The following XYLB variants were observed in gnomAD, a reference collection of about 807,000 sequenced individuals.
The protein encoded by XYLB is xylulose kinase.
XYLB carries 62 observed loss-of-function variants against 78.7 expected under a neutral mutation model. The observed-to-expected ratio is 0.79, with a 90% CI of 0.64 to 0.97. XYLB has a LOEUF of 0.97. Ranked by LOEUF, XYLB falls within the 50% of genes least tolerant of loss-of-function variation. The probability of loss-of-function intolerance (pLI) is 0.00; values close to 1 mark genes in which losing one functional copy is unlikely to be tolerated. For missense variants in XYLB, 687 were observed against 676.8 expected (o/e 1.02, Z -0.17); for synonymous variants, 245 against 247.4 (o/e 0.99, Z 0.09).
intron 15 of XYLB, among the ~76,000 whole-genome samples, chr3:38,388,145 C>T (rs960848083): frequency 1.3e-4 from 19 of 144,748 alleles, no homozygotes; most frequent in South Asian, 2.2e-4. Context: ...TCAGGAAGTG[C>T]GGGTGAGGTG....
intron 18 of XYLB, among the ~76,000 whole-genome samples, chr3:38,408,712 C>T (rs1299861694): frequency 3.3e-5 from 5 of 151,026 alleles, no homozygotes; most frequent in South Asian, 2.1e-4. Context: ...ATATCACCAC[C>T]GAGCCCACAG....
chr3:38,348,530 T>A lies in XYLB; in HGVS notation c.58-20T>A. On this transcript the variant is annotated intron_variant, in intron 1 of 18. Coordinates refer to ENST00000207870, the MANE Select transcript of XYLB (RefSeq NM_005108.4). ...AAGCTGAGGAAAATTCTACACTTCCTTTTTTAAAATGCCTTTCAGGTAAAG... is the reference window on the plus strand; with the variant it reads ...AAGCTGAGGAAAATTCTACACTTCCATTTTTAAAATGCCTTTCAGGTAAAG... The A allele has an allele frequency of 6.2e-7, 1 of 1,613,734 alleles. No individual in the cohort carries two copies. The highest frequency in any genetic ancestry group is 1.1e-5 in the South Asian group (1 of 91,076).
At chr3:38,411,227 G>A (rs1454275986) in intron 18 of XYLB, among the ~76,000 whole-genome samples, 3 of 152,180 alleles carry the variant, frequency 2.0e-5, no homozygotes, top group African/African-American at 7.2e-5. Context: ...CATGTCCTTT[G>A]TAGGGACATG....
intron 16 of XYLB, 104 bp from the exon 17 acceptor site, chr3:38,396,968 G>A (rs1036429602): frequency 5.3e-6 from 6 of 1,142,648 alleles, no homozygotes; most frequent in African/African-American, 4.6e-5. Flanking sequence ...AATGGAAGGG[G>A]TCAGAAGACA....
chr3:38,351,171 CAAAAAAAAAA>C lies in XYLB; in HGVS notation c.140+2558_140+2567del, dbSNP rs58457623. 1.3e-3 allele frequency among the ~76,000 whole-genome samples: 30 copies of C among 23,084 alleles called. 2 individuals carry two copies. In the East Asian group the frequency reaches 0.017, roughly 13 times the overall value. 15.1% of individuals were successfully genotyped at this position (23,084 alleles called of 152,430 possible). A position where few individuals can be genotyped will look rare whatever the true frequency, so the allele number is the denominator to read the frequency against. On this transcript the variant is annotated intron_variant, in intron 2 of 18. Transcript: ENST00000207870. ...TGGACAACAGAGGGAGAGCCTGTCTCAAAAAAAAAAAAAAAAAAAAAAAAAAAAGGAAGTC... is the reference window on the plus strand; with the variant it reads ...TGGACAACAGAGGGAGAGCCTGTCTCAAAAAAAAAAAAAAAAAAGGAAGTC...
At chr3:38,399,462 G>T (rs901793823) in intron 17 of XYLB, among the ~76,000 whole-genome samples, 1 of 151,856 alleles carries the variant, frequency 6.6e-6, no homozygotes, top group Non-Finnish European at 1.5e-5. Context: ...TTTTAAGAGA[G>T]AATTCAATAG....
intron 1 of XYLB, 112 bp downstream of exon 1, chr3:38,347,037 T>A: frequency 8.9e-7 from 1 of 1,119,120 alleles, no homozygotes; most frequent in Non-Finnish European, 1.2e-6. Context: ...CGGGCGCGCC[T>A]ACCTCTCGGG....
chr3:38,347,337 C>G (rs778765218), intron 1 of XYLB, among the ~76,000 whole-genome samples: 1 of 152,226 alleles, frequency 6.6e-6, no homozygotes, highest in African/African-American at 2.4e-5. Context: ...TGCGCACATG[C>G]ACAACCAGTG....
At chr3:38,446,406 A>T in the XYLB span, among the ~76,000 whole-genome samples, 1 of 152,362 alleles carries the variant, frequency 6.6e-6, no homozygotes, top group East Asian at 1.9e-4. Context: ...TGTAAGACAG[A>T]AAAGTTCTCC....
At chr3:38,437,992 C>T in the XYLB span, among the ~76,000 whole-genome samples, 1 of 151,884 alleles carries the variant, frequency 6.6e-6, no homozygotes, top group Non-Finnish European at 1.5e-5. Flanking sequence ...ATTGCTTGAA[C>T]CCAGGAGGCA....
intron 18 of XYLB, among the ~76,000 whole-genome samples, chr3:38,409,872 T>C (rs1364805054): frequency 2.6e-5 from 4 of 151,944 alleles, no homozygotes; most frequent in Non-Finnish European, 4.4e-5. Context: ...CACTGCTCAA[T>C]GAAATAAAAG....
At chr3:38,416,578 TAA>T (rs1430961431), downstream of XYLB, among the ~76,000 whole-genome samples, 1 of 151,996 alleles carries the variant, frequency 6.6e-6, no homozygotes, top group African/African-American at 2.4e-5. Flanking sequence ...CTGTTATTTA[TAA>T]GAGACACATC....
chr3:38,417,454 T>A (rs1017227224), downstream of XYLB, among the ~76,000 whole-genome samples: 1 of 152,138 alleles, frequency 6.6e-6, no homozygotes, highest in African/African-American at 2.4e-5. Flanking sequence ...TAGACTCCAA[T>A]CAGACACATA....
At chr3:38,396,493 A>G (rs924263048) in intron 16 of XYLB, among the ~76,000 whole-genome samples, 3 of 152,124 alleles carry the variant, frequency 2.0e-5, no homozygotes, top group Admixed American at 6.5e-5. Flanking sequence ...AGTAGCCAGT[A>G]CTCACAGCAG....
chr3:38,374,618 C>T (rs1334635659), intron 11 of XYLB, 116 bp downstream of exon 11: 4 of 1,318,750 alleles, frequency 3.0e-6, no homozygotes, highest in Non-Finnish European at 4.3e-6. Flanking sequence ...GGTCTGGGTC[C>T]CAGCAGGATC....
chr3:38,364,394 A>T (rs1196938423), intron 4 of XYLB, among the ~76,000 whole-genome samples: 3 of 151,618 alleles, frequency 2.0e-5, no homozygotes, highest in East Asian at 3.9e-4. Context: ...CCTTTAATAC[A>T]TTCAGCTCTG....
chr3:38,385,200 A>G (rs960952189), intron 15 of XYLB, among the ~76,000 whole-genome samples: 1 of 151,968 alleles, frequency 6.6e-6, no homozygotes, highest in Admixed American at 6.6e-5. Flanking sequence ...GGGTTTCGCC[A>G]TGTTGCCTAG....
At chr3:38,422,081 T>G (rs532376053), downstream of XYLB, among the ~76,000 whole-genome samples, 6 of 152,318 alleles carry the variant, frequency 3.9e-5, no homozygotes, top group African/African-American at 1.4e-4. Flanking sequence ...TTAAACAATT[T>G]ATTAATCAAC....
chr3:38,389,922 C>G (rs888004838), intron 15 of XYLB, among the ~76,000 whole-genome samples: 16 of 152,194 alleles, frequency 1.1e-4, no homozygotes, highest in Non-Finnish European at 2.9e-5. Flanking sequence ...TCTTTTCTAG[C>G]AAATTTTATC....
Sources: allele counts gnomAD v4.1 joint callset (sites outside exome capture counted in the v4.1 genomes callset), GRCh38; gene constraint gnomAD v4.1.1; transcripts MANE v1.5; gene names NCBI Gene and HGNC (gene_info 2026-07-23, HGNC 2026-07-21).